The following PREX2 variants were observed in gnomAD, a reference collection of about 807,000 sequenced individuals.
PREX2 encodes phosphatidylinositol-3,4,5-trisphosphate dependent Rac exchange factor 2, also known as phosphatidylinositol 3,4,5-trisphosphate-dependent Rac exchanger 2 protein.
A neutral mutation model predicts 203.2 loss-of-function variants in PREX2; 107 were observed. The observed-to-expected ratio is 0.53, with a 90% CI of 0.45 to 0.62. PREX2 has a LOEUF of 0.62. Among genes scored for constraint, PREX2 ranks in the 20% least tolerant of loss-of-function variants. The pLI is 0.00. For missense variants in PREX2, 1,777 were observed against 1,955.9 expected (o/e 0.91, Z 1.72); for synonymous variants, 672 against 663.6 (o/e 1.01, Z -0.19).
At chr8:68,213,156 C>G (rs1198400924) in intron 37 of PREX2, among the ~76,000 whole-genome samples, 1 of 152,188 alleles carries the variant, frequency 6.6e-6, no homozygotes, top group Admixed American at 6.5e-5. Context: ...ATAAATACAT[C>G]CCAGCAAACC....
chr8:68,026,449 T>C (rs1807716369), intron 4 of PREX2, among the ~76,000 whole-genome samples: 1 of 152,140 alleles, frequency 6.6e-6, no homozygotes, highest in African/African-American at 2.4e-5. Context: ...TTGTAGGCAC[T>C]GCAGAAAGAA....
chr8:68,045,344 G>A (rs186068514), intron 8 of PREX2, among the ~76,000 whole-genome samples: 33 of 152,184 alleles, frequency 2.2e-4, no homozygotes, highest in East Asian at 1.2e-3. Flanking sequence ...ATGAAATGCA[G>A]TATACTAACT....
chr8:68,032,761 G>A (rs1425199366), intron 6 of PREX2, among the ~76,000 whole-genome samples: 2 of 152,170 alleles, frequency 1.3e-5, no homozygotes, highest in African/African-American at 4.8e-5. Flanking sequence ...CAGAAGCTTT[G>A]TGTGTCTGTG....
intron 1 of PREX2, among the ~76,000 whole-genome samples, chr8:67,994,348 G>C (rs888245082): frequency 6.6e-6 from 1 of 152,174 alleles, no homozygotes; most frequent in Non-Finnish European, 1.5e-5. Context: ...TTTCACACTG[G>C]CATGGACAGT....
intron 37 of PREX2, among the ~76,000 whole-genome samples, chr8:68,211,137 T>C (rs1486683610): frequency 6.6e-6 from 1 of 152,132 alleles, no homozygotes; most frequent in East Asian, 1.9e-4. Flanking sequence ...CTGTGTAAAA[T>C]AAACTCAAGA....
chr8:68,029,459 A>G (rs192710967), intron 5 of PREX2, among the ~76,000 whole-genome samples: 2 of 152,240 alleles, frequency 1.3e-5, no homozygotes, highest in East Asian at 1.9e-4. Context: ...GAGTGATATA[A>G]TATGTATTCC....
intron 1 of PREX2, among the ~76,000 whole-genome samples, chr8:67,982,383 A>C (rs1464834447): frequency 1.3e-5 from 2 of 152,152 alleles, no homozygotes; most frequent in Non-Finnish European, 1.5e-5. Flanking sequence ...GATCCATGCC[A>C]TTGCACTCCA....
intron 34 of PREX2, among the ~76,000 whole-genome samples, chr8:68,153,543 A>T (rs1811485455): frequency 6.6e-6 from 1 of 152,184 alleles, no homozygotes; most frequent in South Asian, 2.1e-4. Flanking sequence ...TGAGAAATAT[A>T]TTATTTTATG....
At chr8:68,069,592 A>G (rs1372776029) in intron 12 of PREX2, among the ~76,000 whole-genome samples, 1 of 149,208 alleles carries the variant, frequency 6.7e-6, no homozygotes, top group Admixed American at 6.7e-5. Context: ...TAATTTAGAA[A>G]AATCTTTGTA....
chr8:68,152,583 A>C (rs529197755), intron 34 of PREX2, among the ~76,000 whole-genome samples: 2 of 152,242 alleles, frequency 1.3e-5, no homozygotes, highest in African/African-American at 4.8e-5. Flanking sequence ...GATTTCACAC[A>C]CCAACAATCA....
intron 31 of PREX2, among the ~76,000 whole-genome samples, chr8:68,131,870 T>G (rs1585817452): frequency 1.3e-5 from 2 of 152,188 alleles, no homozygotes; most frequent in East Asian, 3.8e-4. Flanking sequence ...AGATTTTTAT[T>G]AAATCATTTT....
intron 10 of PREX2, among the ~76,000 whole-genome samples, chr8:68,056,268 G>A (rs1808678635): frequency 6.6e-6 from 1 of 152,132 alleles, no homozygotes; most frequent in Admixed American, 6.5e-5. Flanking sequence ...AGGCAGGTAG[G>A]TTTGCCTGCA....
In PREX2 at chr8:68,038,176, C is replaced by T; in HGVS notation, c.723C>T (p.Asp241=). The change falls in exon 7 of 40, where the codon GAC becomes GAT. Residue 241 remains aspartate (D), a synonymous_variant. Transcript: ENST00000288368. ...IEGWEGSNIT[D]TCTEMLMCGV... is the part of the protein sequence containing the mutation. ...TGACTTAGGGGTCCAACATCACTGACACCTGCACTGAAATGCTAATGTGTG... is the reference window on the plus strand; with the variant it reads ...TGACTTAGGGGTCCAACATCACTGATACCTGCACTGAAATGCTAATGTGTG... 2 of 1,613,730 alleles carry T rather than the reference C, an allele frequency of 1.2e-6. No individual in the cohort carries two copies. Among genetic ancestry groups the T allele is most frequent in the Non-Finnish European group, 8.5e-7 (1 of 1,179,680 alleles).
chr8:68,105,691 A>G, intron 23 of PREX2: 1 of 251,366 alleles, frequency 4.0e-6, no homozygotes, highest in Non-Finnish European at 6.1e-6. Context: ...TTATATATAT[A>G]TATATATATG....
chr8:68,009,275 C>T (rs984101461), intron 1 of PREX2, among the ~76,000 whole-genome samples: 14 of 152,160 alleles, frequency 9.2e-5, no homozygotes, highest in Non-Finnish European at 1.6e-4. Context: ...GGGAAATGAC[C>T]AGTTTCCTGT....
At chr8:68,011,028 A>G (rs1176497705) in intron 1 of PREX2, among the ~76,000 whole-genome samples, 2 of 152,208 alleles carry the variant, frequency 1.3e-5, no homozygotes, top group African/African-American at 4.8e-5. Flanking sequence ...CAAATTTTAA[A>G]TAAAGAACAT....
At chr8:68,021,970 A>G in intron 3 of PREX2, 66 bp from the exon 4 acceptor site, 1 of 791,674 alleles carries the variant, frequency 1.3e-6, no homozygotes, top group South Asian at 1.4e-5. Context: ...CTTTAAGCAT[A>G]TCACATAGGT....
At chr8:68,121,800 C>T (rs890126963) in intron 30 of PREX2, among the ~76,000 whole-genome samples, 16 of 152,126 alleles carry the variant, frequency 1.1e-4, no homozygotes, top group African/African-American at 3.9e-4. Context: ...TGCTACTGAC[C>T]TCTAGATAGA....
chr8:68,217,398 G>A (rs1812864495), intron 37 of PREX2, among the ~76,000 whole-genome samples: 1 of 152,090 alleles, frequency 6.6e-6, no homozygotes, highest in Non-Finnish European at 1.5e-5. Context: ...AGTTCATCAT[G>A]GGATTGTTTT....
Sources: allele counts gnomAD v4.1 joint callset (sites outside exome capture counted in the v4.1 genomes callset), GRCh38; gene constraint gnomAD v4.1.1; transcripts MANE v1.5; gene names NCBI Gene and HGNC (gene_info 2026-07-23, HGNC 2026-07-21).